The following PDGFD variants were observed in gnomAD, a reference collection of about 807,000 sequenced individuals.
PDGFD encodes platelet derived growth factor D.
A neutral mutation model predicts 44.7 loss-of-function variants in PDGFD; 30 were observed. That is an observed-to-expected ratio of 0.67 (90% CI 0.50 to 0.91). The LOEUF (loss-of-function observed/expected upper bound fraction) is 0.91, where lower values mean the gene tolerates loss of function less well. Ranked by LOEUF, PDGFD falls within the 40% of genes least tolerant of loss-of-function variation. The probability of loss-of-function intolerance (pLI) is 0.00; values close to 1 mark genes in which losing one functional copy is unlikely to be tolerated. For synonymous variants in PDGFD, 173 were observed against 168.4 expected (o/e 1.03, Z -0.21); for missense variants, 445 against 457.8 (o/e 0.97, Z 0.25).
At chr11:104,098,668 C>T (rs554276870) in intron 1 of PDGFD, among the ~76,000 whole-genome samples, 5 of 151,986 alleles carry the variant, frequency 3.3e-5, no homozygotes, top group Admixed American at 1.3e-4. Flanking sequence ...GCTGCCATGC[C>T]CAGCTAATTT....
chr11:104,051,894 A>C (rs778245534), intron 1 of PDGFD, among the ~76,000 whole-genome samples: 51 of 152,334 alleles, frequency 3.3e-4, no homozygotes, highest in South Asian at 2.9e-3. Flanking sequence ...AACCATTTAA[A>C]AGTGAATGAT....
chr11:104,097,258 T>G (rs1405115485), intron 1 of PDGFD, among the ~76,000 whole-genome samples: 1 of 152,168 alleles, frequency 6.6e-6, no homozygotes, highest in African/African-American at 2.4e-5. Flanking sequence ...TATTGGGACA[T>G]TTATTAGGGT....
At chr11:103,998,945 A>C (rs1982804) in intron 2 of PDGFD, among the ~76,000 whole-genome samples, 12,679 of 152,242 alleles carry the variant, frequency 0.083, 1,081 homozygotes, top group African/African-American at 0.22. Flanking sequence ...TAATCTTTTA[A>C]TAGCGTCTTT....
chr11:103,992,531 A>C (rs1859472743), intron 3 of PDGFD, among the ~76,000 whole-genome samples: 2 of 152,228 alleles, frequency 1.3e-5, no homozygotes, highest in South Asian at 4.1e-4. Flanking sequence ...AAGCTGTTTA[A>C]TATTGCACCA....
rs754710218 is a variant in PDGFD at position 104,000,190 on chromosome 11, C to A, written c.190G>T (p.Val64Leu). The A allele has an allele frequency of 2.5e-6, 4 of 1,614,054 alleles. No homozygotes were observed. Among genetic ancestry groups the A allele is most frequent in the South Asian group, 1.1e-5 (1 of 91,070 alleles). ...ETIQVKGNGY[V>L]QSPRFPNSYP... Reference sequence around the variant, plus strand: ...CTGTTCGGGAATCTAGGACTCTGCACGTAGCCGTTTCCTTTCACCTGGATG... The same window carrying A: ...CTGTTCGGGAATCTAGGACTCTGCAAGTAGCCGTTTCCTTTCACCTGGATG... The change falls in exon 2 of 7, where the codon GTG becomes TTG. Residue 64 changes from valine to leucine, a missense_variant. By Grantham distance (32) the Val-to-Leu change is conservative (BLOSUM62 1). Coordinates refer to ENST00000393158, the MANE Select transcript of PDGFD (RefSeq NM_025208.5).
At chr11:104,122,954 A>T (rs947477713) in intron 1 of PDGFD, among the ~76,000 whole-genome samples, 4 of 152,002 alleles carry the variant, frequency 2.6e-5, no homozygotes, top group Non-Finnish European at 4.4e-5. Flanking sequence ...TTGATGGAGG[A>T]CCCTGGATCT....
chr11:103,955,443 C>G (rs1858828869), intron 3 of PDGFD, among the ~76,000 whole-genome samples: 1 of 152,098 alleles, frequency 6.6e-6, no homozygotes, highest in African/African-American at 2.4e-5. Flanking sequence ...TGATATTACA[C>G]TAATGTCTTA....
At chr11:104,124,272 TA>T (rs1861814074) in intron 1 of PDGFD, among the ~76,000 whole-genome samples, 1 of 152,042 alleles carries the variant, frequency 6.6e-6, no homozygotes. Context: ...ACTGTAGAAA[TA>T]AAAGTCAGAG....
intron 1 of PDGFD, among the ~76,000 whole-genome samples, chr11:104,009,429 C>CATTATTATTATTATT (rs58324746): frequency 0.044 from 6,522 of 148,756 alleles, 204 homozygotes; most frequent in Non-Finnish European, 0.068. Context: ...CTTGCAAATG[C>CATTATTATTATTATT]ATTATTATTA....
At chr11:104,108,944 T>A (rs1213808213) in intron 1 of PDGFD, among the ~76,000 whole-genome samples, 1 of 150,784 alleles carries the variant, frequency 6.6e-6, no homozygotes, top group African/African-American at 2.4e-5. Context: ...AGCAAACTAT[T>A]GCAAGAACAA....
At chr11:103,964,851 T>C (rs571502823) in intron 3 of PDGFD, among the ~76,000 whole-genome samples, 10 of 152,176 alleles carry the variant, frequency 6.6e-5, no homozygotes, top group African/African-American at 2.4e-4. Flanking sequence ...ATTTGTGCTC[T>C]GAGCTATTAG....
chr11:104,030,108 C>T (rs1378405105), intron 1 of PDGFD, among the ~76,000 whole-genome samples: 2 of 152,140 alleles, frequency 1.3e-5, no homozygotes, highest in African/African-American at 2.4e-5. Context: ...GAATAAGGTG[C>T]ATTTGTAACA....
At chr11:103,999,645 T>C (rs1859588774) in intron 2 of PDGFD, among the ~76,000 whole-genome samples, 1 of 152,190 alleles carries the variant, frequency 6.6e-6, no homozygotes, top group Non-Finnish European at 1.5e-5. Context: ...TAGGAAGGCC[T>C]GGGTCAGCGG....
chr11:103,970,771 A>C (rs141200627), intron 3 of PDGFD, among the ~76,000 whole-genome samples: 26 of 152,280 alleles, frequency 1.7e-4, no homozygotes, highest in Non-Finnish European at 3.2e-4. Context: ...AGAATTGTTT[A>C]TGATGCTCCC....
chr11:104,019,581 A>G (rs1004755792), intron 1 of PDGFD, among the ~76,000 whole-genome samples: 3 of 152,188 alleles, frequency 2.0e-5, no homozygotes, highest in African/African-American at 7.2e-5. Context: ...TAAATCTAAC[A>G]AAGTGAGATA....
chr11:104,109,955 G>C (rs909926588), intron 1 of PDGFD, among the ~76,000 whole-genome samples: 7 of 151,986 alleles, frequency 4.6e-5, no homozygotes, highest in African/African-American at 1.7e-4. Context: ...TCATTGGTAA[G>C]AGTGGCATAA....
intron 1 of PDGFD, chr11:104,037,999 C>T (rs371239684): frequency 2.2e-5 from 36 of 1,612,372 alleles, no homozygotes; most frequent in South Asian, 8.8e-5. Context: ...GGATTCAGGA[C>T]GAAAAGAGCA....
chr11:104,163,820 G>A lies in PDGFD; in HGVS notation c.108C>T (p.Ala36=). 1 of 1,550,654 alleles carries A rather than the reference G, an allele frequency of 6.4e-7. No individual in the cohort carries two copies. Among genetic ancestry groups the A allele is most frequent in the Non-Finnish European group, 8.8e-7 (1 of 1,136,266 alleles). The change falls in exon 1 of 7, where the codon GCC becomes GCT. Residue 36 remains alanine, a synonymous_variant. Transcript: ENST00000393158. ...QSASIKALRN[A]NLRRDESNHL... ...GTCTCTTACCATCTCGCCTGAGGTT[G>A]GCGTTGCGCAAAGCTTTGATGGATG...
intron 1 of PDGFD, among the ~76,000 whole-genome samples, chr11:104,051,996 C>T (rs1447254932): frequency 2.0e-5 from 3 of 152,134 alleles, no homozygotes; most frequent in African/African-American, 7.2e-5. Flanking sequence ...AAACCCTATA[C>T]ACCTTATGCA....
Sources: gnomAD v4.1 joint callset for allele counts (sites outside exome capture counted in the v4.1 genomes callset) on GRCh38, gnomAD v4.1.1 for gene constraint, MANE v1.5 for transcripts, NCBI Gene and HGNC (gene_info 2026-07-23, HGNC 2026-07-21) for gene names.